Variants in DYRK1A observed in about 807,000 individuals in gnomAD.
The protein encoded by DYRK1A is dual specificity tyrosine phosphorylation regulated kinase 1A, also known as dual specificity tyrosine-phosphorylation-regulated kinase 1A.
In DYRK1A, 9 loss-of-function variants were observed where a neutral mutation model predicts 79.7. The ratio of observed to expected loss-of-function variants is 0.11; its 90% CI spans 0.07 to 0.20. DYRK1A has a LOEUF of 0.20. DYRK1A is among the 10% of genes least tolerant of loss of function. The pLI is 1.00. For synonymous variants in DYRK1A, 349 were observed against 329.7 expected, an observed-to-expected ratio of 1.06 and a Z score of -0.63; for missense variants, 622 against 956.0, an observed-to-expected ratio of 0.65 and a Z score of 4.61.
chr21:37,469,825 T>G (rs1470369236), intron 2 of DYRK1A, among the ~76,000 whole-genome samples: 1 of 152,110 alleles, frequency 6.6e-6, no homozygotes, highest in Non-Finnish European at 1.5e-5. Context: ...CAGTTCGACA[T>G]GAGAATTAGG....
intron 2 of DYRK1A, among the ~76,000 whole-genome samples, chr21:37,472,132 G>GA (rs2052247394): frequency 6.6e-6 from 1 of 152,150 alleles, no homozygotes; most frequent in Non-Finnish European, 1.5e-5. Flanking sequence ...ACCTTGGGTT[G>GA]AGAAGTTTAG....
chr21:37,503,806 T>A (rs2053520982), intron 9 of DYRK1A: 1 of 152,216 alleles, frequency 6.6e-6, no homozygotes, highest in African/African-American at 2.4e-5. Context: ...ACTAAATTGT[T>A]TATCATAATT....
intron 1 of DYRK1A, among the ~76,000 whole-genome samples, chr21:37,409,799 G>A (rs1178237057): frequency 6.6e-6 from 1 of 152,060 alleles, no homozygotes; most frequent in African/African-American, 2.4e-5. Context: ...ACTGTGCTTT[G>A]GGAAGGGCTT....
chr21:37,466,772 G>T (rs1488495099), intron 2 of DYRK1A, among the ~76,000 whole-genome samples: 1 of 151,926 alleles, frequency 6.6e-6, no homozygotes, highest in Non-Finnish European at 1.5e-5. Flanking sequence ...ATTGTTGTTG[G>T]TAACTGATAG....
chr21:37,447,729 C>G (rs758291269), intron 2 of DYRK1A, among the ~76,000 whole-genome samples: 7 of 152,128 alleles, frequency 4.6e-5, no homozygotes. Flanking sequence ...AGTTGGCGAG[C>G]TGATGGACAT....
chr21:37,505,203 A>G lies in DYRK1A; in HGVS notation c.1213-80A>G. On this transcript the variant is annotated intron_variant, in intron 9 of 11. Coordinates refer to ENST00000647188, the MANE Select transcript of DYRK1A (RefSeq NM_001347721.2). ...ATAAAGGCCTCAACATATATATTTA[A>G]ACATATTTGAAATTCAATTATGTGA... 6 of 1,164,942 alleles carry G rather than the reference A, an allele frequency of 5.2e-6. No individual in the cohort carries two copies. The South Asian group carries it at 9.0e-5, about 17-fold the overall frequency. 72.2% of individuals were successfully genotyped at this position (1,164,942 alleles called of 1,614,324 possible). A position where few individuals can be genotyped will look rare whatever the true frequency, so the allele number is the denominator to read the frequency against.
intron 2 of DYRK1A, among the ~76,000 whole-genome samples, chr21:37,446,065 A>G (rs2835749): frequency 0.84 from 128,516 of 152,184 alleles, 54,410 homozygotes; most frequent in East Asian, 0.96. Context: ...TGTTGCTACC[A>G]GAGTATCTTA....
chr21:37,369,788 G>A (rs940314313), intron 1 of DYRK1A, among the ~76,000 whole-genome samples: 15 of 152,212 alleles, frequency 9.9e-5, no homozygotes, highest in Non-Finnish European at 2.1e-4. Flanking sequence ...GACCTAGTGA[G>A]ATCTTTGTTT....
intron 2 of DYRK1A, among the ~76,000 whole-genome samples, chr21:37,440,103 T>C (rs2051048793): frequency 6.7e-6 from 1 of 150,124 alleles, no homozygotes; most frequent in African/African-American, 2.4e-5. Flanking sequence ...ATTTTTGTTA[T>C]TCCGTTGACT....
In DYRK1A at chr21:37,522,856, T is replaced by G. The variant is rs1175304652; in HGVS notation, c.*10325T>G. 6.6e-6 allele frequency: 1 copy of G among 152,386 alleles called. No homozygotes were observed. Among genetic ancestry groups the G allele is most frequent in the Admixed American group, 6.5e-5 (1 of 15,290 alleles). The allele number at this position is 152,386 out of a possible 1,614,324, so 9.4% of individuals were successfully genotyped here. ...TTTTCTCCCCTTCTTGTTTCCAGGA[T>G]CCACAGTTCCTGCTCTGCTTCCGCT... On this transcript the variant is annotated 3_prime_UTR_variant, in exon 12 of 12. Transcript: ENST00000647188.
In DYRK1A at chr21:37,506,182, G is replaced by A; in HGVS notation, c.1603G>A (p.Ala535Thr). ...TCGGCACAGTGGTGGGCACTTCACA[G>A]CTGCCGTGCAGGCCATGGACTGCGA... Reference protein sequence around the residue: ...QHRHSGGHFTAAVQAMDCETH... With the variant: ...QHRHSGGHFTTAVQAMDCETH... Residue 535 changes from alanine to threonine, a missense_variant, in exon 11 of 12, where the codon GCT becomes ACT. Transcript: ENST00000647188. The A allele has an allele frequency of 6.2e-7, 1 of 1,614,210 alleles. No homozygotes were observed. Among genetic ancestry groups the A allele is most frequent in the Middle Eastern group, 1.7e-4 (1 of 6,060 alleles).
At chr21:37,439,764 T>C (rs2051035530) in intron 2 of DYRK1A, among the ~76,000 whole-genome samples, 2 of 152,226 alleles carry the variant, frequency 1.3e-5, no homozygotes, top group Admixed American at 1.3e-4. Context: ...TTGGGAAAGA[T>C]ACCTTCTATT....
chr21:37,400,508 A>T (rs1039907253), intron 1 of DYRK1A, among the ~76,000 whole-genome samples: 1 of 152,214 alleles, frequency 6.6e-6, no homozygotes, highest in African/African-American at 2.4e-5. Flanking sequence ...AATTAGTCAT[A>T]GTTTTATAAC....
At chr21:37,366,192 G>GCC (rs2049298570), upstream of DYRK1A, 1 of 151,046 alleles carries the variant, frequency 6.6e-6, no homozygotes, top group African/African-American at 2.4e-5. Flanking sequence ...CGCGGTGAGA[G>GCC]CCCTCCAGGC....
intron 2 of DYRK1A, among the ~76,000 whole-genome samples, chr21:37,427,864 T>G (rs2050670841): frequency 6.6e-6 from 1 of 152,174 alleles, no homozygotes; most frequent in South Asian, 2.1e-4. Flanking sequence ...AGTATGTTTT[T>G]TGGGGGGTTT....
At chr21:37,414,890 G>A (rs1200898526) in intron 1 of DYRK1A, among the ~76,000 whole-genome samples, 1 of 152,162 alleles carries the variant, frequency 6.6e-6, no homozygotes, top group African/African-American at 2.4e-5. Context: ...GAAGACAGAG[G>A]ACAGCAAGCA....
intron 2 of DYRK1A, among the ~76,000 whole-genome samples, chr21:37,440,884 G>A (rs971900204): frequency 6.6e-6 from 1 of 152,044 alleles, no homozygotes; most frequent in Non-Finnish European, 1.5e-5. Flanking sequence ...CTGTTCTTTG[G>A]TAGAATATTC....
At chr21:37,429,362 C>T (rs916906633) in intron 2 of DYRK1A, among the ~76,000 whole-genome samples, 1 of 152,116 alleles carries the variant, frequency 6.6e-6, no homozygotes. Flanking sequence ...TAAAGGAAAC[C>T]TAAGACTGGG....
At chr21:37,415,630 A>G (rs1469410027) in intron 1 of DYRK1A, 1 of 151,602 alleles carries the variant, frequency 6.6e-6, no homozygotes, top group Admixed American at 6.6e-5. Context: ...CACCCAACCA[A>G]GTTTTTTATT....
Sources: gnomAD v4.1 joint callset for allele counts (sites outside exome capture counted in the v4.1 genomes callset) on GRCh38, gnomAD v4.1.1 for gene constraint, MANE v1.5 for transcripts, NCBI Gene and HGNC (gene_info 2026-07-23, HGNC 2026-07-21) for gene names.